CFAP61: variants seen among roughly 807,000 people sequenced by gnomAD.
CFAP61 encodes cilia- and flagella-associated protein 61.
In CFAP61, 107 loss-of-function variants were observed where a neutral mutation model predicts 135.6. The observed-to-expected ratio is 0.79, with a 90% confidence interval of 0.67 to 0.93. The LOEUF is 0.93. Among genes scored for constraint, CFAP61 ranks in the 40% least tolerant of loss-of-function variants. The probability of loss-of-function intolerance (pLI) is 0.00; values close to 1 mark genes in which losing one functional copy is unlikely to be tolerated. For missense variants in CFAP61, 1,507 were observed against 1,556.2 expected (o/e 0.97, Z 0.53); for synonymous variants, 575 against 578.5 (o/e 0.99, Z 0.09).
At chr20:20,144,668 A>C (rs1355382109) in intron 9 of CFAP61, among the ~76,000 whole-genome samples, 1 of 152,132 alleles carries the variant, frequency 6.6e-6, no homozygotes, top group Non-Finnish European at 1.5e-5. Flanking sequence ...TGAAAACAAT[A>C]TACTCACAGA....
At chr20:20,343,019 C>T (rs2058502343) in intron 26 of CFAP61, among the ~76,000 whole-genome samples, 2 of 152,134 alleles carry the variant, frequency 1.3e-5, no homozygotes, top group African/African-American at 4.8e-5. Flanking sequence ...CGCCACCACA[C>T]CCAGCTAATT....
At chr20:20,219,889 G>A (rs528833634) in intron 17 of CFAP61, among the ~76,000 whole-genome samples, 21 of 152,242 alleles carry the variant, frequency 1.4e-4, no homozygotes, top group African/African-American at 4.3e-4. Flanking sequence ...AATGATAAAA[G>A]CAACAGAAAC....
chr20:20,269,164 C>CATATATGTATATACACACACATAT (rs1555941609), intron 21 of CFAP61, among the ~76,000 whole-genome samples: 1 of 112,548 alleles, frequency 8.9e-6, no homozygotes, highest in Non-Finnish European at 1.9e-5. Context: ...CACACACACA[C>CATATATGTATATACACACACATAT]ATACATATAT....
chr20:20,174,526 A>T (rs891368637), intron 13 of CFAP61, among the ~76,000 whole-genome samples: 1 of 152,232 alleles, frequency 6.6e-6, no homozygotes, highest in Admixed American at 6.5e-5. Flanking sequence ...TAGTGAAACC[A>T]CACATTTAAT....
intron 13 of CFAP61, among the ~76,000 whole-genome samples, chr20:20,173,731 G>A (rs947641227): frequency 1.3e-5 from 2 of 152,088 alleles, no homozygotes; most frequent in Non-Finnish European, 2.9e-5. Flanking sequence ...TTTTAAAAAT[G>A]TACTTTATAC....
chr20:20,315,297 G>A (rs1454802804), intron 25 of CFAP61, among the ~76,000 whole-genome samples: 1 of 151,360 alleles, frequency 6.6e-6, no homozygotes, highest in African/African-American at 2.4e-5. Flanking sequence ...GTGATGGTGA[G>A]CATTTTTTCA....
At chr20:20,244,367 G>C (rs529938431) in intron 18 of CFAP61, among the ~76,000 whole-genome samples, 1 of 152,208 alleles carries the variant, frequency 6.6e-6, no homozygotes, top group Non-Finnish European at 1.5e-5. Flanking sequence ...TACATCCTCC[G>C]ACATCTAAGT....
intron 2 of CFAP61, among the ~76,000 whole-genome samples, chr20:20,057,723 T>A (rs568486186): frequency 6.6e-6 from 1 of 152,220 alleles, no homozygotes; most frequent in South Asian, 2.1e-4. Context: ...TTTAATTAAT[T>A]TATTTATTTT....
intron 2 of CFAP61, among the ~76,000 whole-genome samples, chr20:20,067,676 A>G (rs962451666): frequency 5.0e-5 from 7 of 139,104 alleles, no homozygotes; most frequent in Non-Finnish European, 1.1e-4. Flanking sequence ...ATATATATTT[A>G]TATTATATAT....
intron 8 of CFAP61, among the ~76,000 whole-genome samples, chr20:20,132,740 A>T (rs1010010867): frequency 2.6e-5 from 4 of 152,074 alleles, no homozygotes; most frequent in Non-Finnish European, 5.9e-5. Context: ...TTGATCAGTT[A>T]TGAAGTTTCC....
At chr20:20,120,204 A>C (rs1434503857) in intron 8 of CFAP61, among the ~76,000 whole-genome samples, 5 of 151,916 alleles carry the variant, frequency 3.3e-5, no homozygotes, top group Non-Finnish European at 7.4e-5. Flanking sequence ...TTGCTTTTCT[A>C]GTTTCTTGAG....
chr20:20,213,925 C>A (rs966691588), intron 17 of CFAP61, among the ~76,000 whole-genome samples: 2 of 151,740 alleles, frequency 1.3e-5, no homozygotes, highest in African/African-American at 4.9e-5. Flanking sequence ...CTCTCCACCC[C>A]CTCCCCGCCC....
intron 18 of CFAP61, chr20:20,232,824 A>C (rs1313157584): frequency 1.3e-5 from 2 of 152,250 alleles, no homozygotes; most frequent in Non-Finnish European, 2.9e-5. Flanking sequence ...ACAGTGACTG[A>C]AAGCAGCCCA....
At chr20:20,213,460 C>T (rs1303201434) in intron 17 of CFAP61, among the ~76,000 whole-genome samples, 3 of 151,760 alleles carry the variant, frequency 2.0e-5, no homozygotes, top group Non-Finnish European at 4.4e-5. Context: ...TTTCAGGAAT[C>T]CAAATTTTGG....
chr20:20,276,320 A>G (rs1306870123), intron 21 of CFAP61, among the ~76,000 whole-genome samples: 1 of 152,054 alleles, frequency 6.6e-6, no homozygotes, highest in Non-Finnish European at 1.5e-5. Flanking sequence ...GGTATATCTT[A>G]CCTGGAAAAT....
At chr20:20,329,444 T>C (rs2057896333) in intron 25 of CFAP61, among the ~76,000 whole-genome samples, 1 of 152,162 alleles carries the variant, frequency 6.6e-6, no homozygotes, top group African/African-American at 2.4e-5. Flanking sequence ...CTTCACTCGC[T>C]TCTCCCTCAC....
At chr20:20,305,189 T>G (rs2056398208) in intron 25 of CFAP61, among the ~76,000 whole-genome samples, 1 of 152,168 alleles carries the variant, frequency 6.6e-6, no homozygotes, top group Admixed American at 6.5e-5. Context: ...GTGCACAGTG[T>G]TCTAAATGGG....
intron 18 of CFAP61, among the ~76,000 whole-genome samples, chr20:20,242,895 A>T (rs1006705301): frequency 6.6e-6 from 1 of 152,202 alleles, no homozygotes; most frequent in South Asian, 2.1e-4. Context: ...ACAATTTGAG[A>T]TCTACAGGAC....
intron 25 of CFAP61, among the ~76,000 whole-genome samples, chr20:20,331,412 C>G (rs1315927701): frequency 7.6e-6 from 1 of 131,884 alleles, no homozygotes; most frequent in Non-Finnish European, 1.6e-5. Context: ...TTATTATTCT[C>G]TCTGTAAAAG....
Sources: gnomAD v4.1 joint callset for allele counts (sites outside exome capture counted in the v4.1 genomes callset) on GRCh38, gnomAD v4.1.1 for gene constraint, MANE v1.5 for transcripts, NCBI Gene and HGNC (gene_info 2026-07-23, HGNC 2026-07-21) for gene names.